CSMD2: variants seen among roughly 807,000 people sequenced by gnomAD.
CSMD2 encodes CUB and Sushi multiple domains 2.
In CSMD2, 130 loss-of-function variants were observed where a neutral mutation model predicts 398.5. The ratio of observed to expected loss-of-function variants is 0.33; its 90% CI spans 0.28 to 0.38. The LOEUF (loss-of-function observed/expected upper bound fraction) is 0.38. Ranked by LOEUF, CSMD2 falls within the 10% of genes least tolerant of loss-of-function variation. The pLI is 1.00. For synonymous variants in CSMD2, 1,828 were observed against 1,908.5 expected, an observed-to-expected ratio of 0.96 and a Z score of 1.10; for missense variants, 3,829 against 4,764.9, an observed-to-expected ratio of 0.80 and a Z score of 5.78.
chr1:33,937,099 A>G (rs758016704), intron 3 of CSMD2, among the ~76,000 whole-genome samples: 2 of 152,222 alleles, frequency 1.3e-5, no homozygotes, highest in African/African-American at 4.8e-5. Context: ...CACCTTCCTT[A>G]TATCAAAATA....
chr1:33,658,067 T>C lies in CSMD2; in HGVS notation c.4326A>G (p.Glu1442=). 6.2e-7 allele frequency: 1 copy of C among 1,614,204 alleles called. No individual in the cohort carries two copies. ...ACTGGAACACTGTGGAGTCGCCGGC[T>C]TCCCAACTGTCACCACTCCGACTCC... ...QNGSRSGDSW[E]AGDSTVFQCD... The change falls in exon 27 of 71, where the codon GAA becomes GAG. Residue 1442 remains glutamate, a synonymous_variant. Transcript: ENST00000373381.
chr1:33,530,945 TG>T (rs1013598332), intron 64 of CSMD2, among the ~76,000 whole-genome samples: 52 of 151,808 alleles, frequency 3.4e-4, no homozygotes, highest in African/African-American at 1.2e-3. Flanking sequence ...GGGGCTAGGG[TG>T]GGGTGGTACT....
Position 33,770,856 on chromosome 1 carries a change from T to C in CSMD2, c.1846+1713A>G, listed in dbSNP as rs574607895. On this transcript the variant is annotated intron_variant, in intron 13 of 70. Transcript: ENST00000373381. ...GCTCACTGGAGGCTGCCGGCCCTGCTTGTGGACACCAAGGGCCTGCTGGGC... is the reference window on the plus strand; with the variant it reads ...GCTCACTGGAGGCTGCCGGCCCTGCCTGTGGACACCAAGGGCCTGCTGGGC... Among the ~76,000 whole-genome samples the C allele has an allele frequency of 2.4e-4, 37 of 152,306 alleles. No individual in the cohort carries two copies. In the East Asian group the frequency reaches 7.1e-3, roughly 29 times the overall value.
chr1:33,597,462 G>T (rs1639917574), intron 44 of CSMD2, among the ~76,000 whole-genome samples: 2 of 152,088 alleles, frequency 1.3e-5, no homozygotes, highest in Non-Finnish European at 2.9e-5. Flanking sequence ...AAGCTGTCTG[G>T]GGAGCAGACA....
intron 20 of CSMD2, among the ~76,000 whole-genome samples, chr1:33,716,007 T>C (rs1646155435): frequency 6.6e-6 from 1 of 152,106 alleles, no homozygotes; most frequent in Non-Finnish European, 1.5e-5. Flanking sequence ...TGAAGTCCTC[T>C]AGTTCATCCA....
chr1:33,713,373 G>C (rs1447429112), intron 21 of CSMD2, among the ~76,000 whole-genome samples: 2 of 152,198 alleles, frequency 1.3e-5, no homozygotes, highest in African/African-American at 4.8e-5. Flanking sequence ...GCTTTGATCT[G>C]TTTTGTATAT....
intron 50 of CSMD2, among the ~76,000 whole-genome samples, 184 bp from the exon 51 acceptor site, chr1:33,571,910 A>T (rs1659631673): frequency 6.6e-6 from 1 of 152,158 alleles, no homozygotes; most frequent in African/African-American, 2.4e-5. Flanking sequence ...CAAACTGGGG[A>T]GTACAGTTCT....
At chr1:33,616,379 A>G (rs1208887359) in intron 39 of CSMD2, among the ~76,000 whole-genome samples, 1 of 152,128 alleles carries the variant, frequency 6.6e-6, no homozygotes, top group Non-Finnish European at 1.5e-5. Context: ...CTGAGATTAC[A>G]AGTGTGTGCC....
intron 3 of CSMD2, among the ~76,000 whole-genome samples, chr1:33,952,104 A>C (rs1444420082): frequency 2.0e-5 from 3 of 152,206 alleles, no homozygotes; most frequent in Non-Finnish European, 4.4e-5. Flanking sequence ...GAGAAGGAGA[A>C]GAGCAGTTAA....
chr1:33,545,339 G>A (rs749366549), intron 57 of CSMD2, among the ~76,000 whole-genome samples: 6 of 152,184 alleles, frequency 3.9e-5, no homozygotes, highest in Admixed American at 3.9e-4. Context: ...TCCCATTGGT[G>A]CTACCTCAGG....
chr1:33,752,587 C>G (rs530458972), intron 13 of CSMD2, among the ~76,000 whole-genome samples: 46 of 152,272 alleles, frequency 3.0e-4, no homozygotes, highest in African/African-American at 1.1e-3. Flanking sequence ...TGGGCTAACA[C>G]AGAAAATTGG....
At chr1:33,644,662 G>A (rs1643313829) in intron 29 of CSMD2, among the ~76,000 whole-genome samples, 1 of 152,192 alleles carries the variant, frequency 6.6e-6, no homozygotes, top group Non-Finnish European at 1.5e-5. Flanking sequence ...GGGTACTGAT[G>A]AGAATATGAA....
chr1:34,159,334 C>CT (rs1334808760), intron 1 of CSMD2, among the ~76,000 whole-genome samples: 3 of 70,146 alleles, frequency 4.3e-5, no homozygotes, highest in African/African-American at 1.5e-4. Flanking sequence ...GCCTGCCCCC[C>CT]CCCCACCCAG....
Position 34,060,875 on chromosome 1 carries a change from G to T in CSMD2, c.404+28102C>A, listed in dbSNP as rs1654412478. On this transcript the variant is annotated intron_variant, in intron 2 of 70. Transcript: ENST00000373381. ...GCCAGGCCTCATCTTCGTGGTCCCTGTTCCTCCCCTAGCCATGCTTCTGCC... is the reference window on the plus strand; with the variant it reads ...GCCAGGCCTCATCTTCGTGGTCCCTTTTCCTCCCCTAGCCATGCTTCTGCC... Among the ~76,000 whole-genome samples, 2 of 152,034 alleles carry T rather than the reference G, an allele frequency of 1.3e-5. 1 individual carries two copies. The highest frequency in any genetic ancestry group is 4.2e-4 in the South Asian group (2 of 4,810).
In CSMD2 at chr1:33,619,925, T is replaced by G. The variant is rs77468237; in HGVS notation, c.5827+2242A>C. ...AAGTAGAACAAAACTCACTATTTAG[T>G]GCAGTAGTTGCAACTAACTAGACCT... On this transcript the variant is annotated intron_variant, in intron 37 of 70. Transcript: ENST00000373381. Among the ~76,000 whole-genome samples the G allele has an allele frequency of 4.7e-3, 710 of 152,304 alleles. 8 individuals carry two copies. The highest frequency in any genetic ancestry group is 0.016 in the African/African-American group (671 of 41,560).
chr1:33,880,902 A>G, intron 5 of CSMD2, among the ~76,000 whole-genome samples: 1 of 152,230 alleles, frequency 6.6e-6, no homozygotes, highest in Admixed American at 6.5e-5. Context: ...CAATAAGAAT[A>G]TGATTTTCCC....
intron 4 of CSMD2, among the ~76,000 whole-genome samples, chr1:33,925,151 T>C (rs1558112500): frequency 6.6e-6 from 1 of 152,212 alleles, no homozygotes; most frequent in South Asian, 2.1e-4. Context: ...ATAACTCCCC[T>C]AAGTTTTCTT....
chr1:34,144,629 A>C (rs1203026357), intron 1 of CSMD2, among the ~76,000 whole-genome samples: 1 of 152,230 alleles, frequency 6.6e-6, no homozygotes, highest in East Asian at 1.9e-4. Context: ...CATGTCTTCC[A>C]ATCAGCGTTA....
intron 64 of CSMD2, among the ~76,000 whole-genome samples, chr1:33,529,842 A>G (rs1280518361): frequency 6.6e-6 from 1 of 152,060 alleles, no homozygotes; most frequent in East Asian, 1.9e-4. Context: ...GCGAAAAGAC[A>G]CCCCGTGAAA....
Sources: allele counts gnomAD v4.1 joint callset (sites outside exome capture counted in the v4.1 genomes callset), GRCh38; gene constraint gnomAD v4.1.1; transcripts MANE v1.5; gene names NCBI Gene and HGNC (gene_info 2026-07-23, HGNC 2026-07-21).